The following LMF2 variants were observed in gnomAD, a reference collection of about 807,000 sequenced individuals.
The protein encoded by LMF2 is transmembrane protein 112B.
In LMF2, 113 loss-of-function variants were observed where a neutral mutation model predicts 81.5. The ratio of observed to expected loss-of-function variants is 1.39; its 90% CI spans 1.19 to 1.62. The LOEUF is 1.62. Among genes scored for constraint, LMF2 ranks in the 40% most tolerant of loss-of-function variants. The pLI, the probability that LMF2 is intolerant of heterozygous loss-of-function variation, is 0.00. For missense variants in LMF2, 1,235 were observed against 929.1 expected (o/e 1.33, Z -4.28); for synonymous variants, 645 against 424.5 (o/e 1.52, Z -6.39).
At position 50,505,284 on chromosome 22, in the gene LMF2, T is replaced by C; in HGVS notation, c.1102A>G (p.Thr368Ala). The C allele has an allele frequency of 1.2e-6, 2 of 1,613,090 alleles. No individual in the cohort carries two copies. The highest frequency in any genetic ancestry group is 1.7e-6 in the Non-Finnish European group (2 of 1,179,978). Residue 368 changes from threonine (T) to alanine (A), a missense_variant, in exon 8 of 14, where the codon ACT becomes GCT. Coordinates refer to ENST00000474879, the MANE Select transcript of LMF2 (RefSeq NM_033200.3). ...AGGGAGGCCACACCCAGCCACACAG[T>C]GGGCAGCGTCAGTGTCTTCAGCCAC... ...SQWLKTLTLP[T>A]VWLGVASLVW...
chr22:50,504,889 G>T lies in LMF2; in HGVS notation c.1350C>A (p.Asn450Lys). The T allele has an allele frequency of 1.2e-6, 2 of 1,610,508 alleles. No homozygotes were observed. The highest frequency in any genetic ancestry group is 2.2e-5 in the South Asian group (2 of 90,894). Residue 450 changes from asparagine (N) to lysine (K), a missense_variant, in exon 10 of 14, where the codon AAC becomes AAA. By Grantham distance (94) the Asn-to-Lys change is moderately conservative (BLOSUM62 0). Transcript: ENST00000474879. ...TCATGCGGCGGAAGAGGCCGTAGGAGTTGGCCAGCTGTAGGTGCTCCACGG... is the reference window on the plus strand; with the variant it reads ...TCATGCGGCGGAAGAGGCCGTAGGATTTGGCCAGCTGTAGGTGCTCCACGG... The part of the protein sequence containing the change: ...FGAVEHLQLA[N>K]SYGLFRRMTG...
At chr22:50,506,745 T>A (rs914761008) in intron 2 of LMF2, 37 bp downstream of exon 2, 1 of 1,610,952 alleles carries the variant, frequency 6.2e-7, no homozygotes, top group South Asian at 1.1e-5. Context: ...GTGGTGGGGG[T>A]TGGAGATAGA....
In LMF2 at chr22:50,505,461, A is replaced by G. The variant is rs1300655777; in HGVS notation, c.993T>C (p.Thr331=). The G allele has an allele frequency of 3.7e-6, 6 of 1,613,066 alleles. No individual in the cohort carries two copies. Among genetic ancestry groups the G allele is most frequent in the Non-Finnish European group, 5.1e-6 (6 of 1,180,028 alleles). ...CAACCTCCAGGCCAAAGTAGTGCAC[A>G]GTGCCATAGGCCAGAAGCCCGTAGA... ...LAVYGLLAYG[T]VHYFGLEVDW... The change falls in exon 7 of 14, where the codon ACT becomes ACC. Residue 331 remains threonine, a synonymous_variant. Coordinates refer to ENST00000474879, the MANE Select transcript of LMF2 (RefSeq NM_033200.3).
Position 50,505,047 on chromosome 22 carries a change from C to T in LMF2, c.1254+10G>A, listed in dbSNP as rs768908760. The T allele has an allele frequency of 4.3e-6, 7 of 1,612,844 alleles. No homozygotes were observed. The highest frequency in any genetic ancestry group is 1.7e-5 in the Admixed American group (1 of 60,028). ...CCCAGCCCATCCCCCAGCCCTGCAG[C>T]GCTACCCACCAGGCTAATCAGGAAC... On this transcript the variant is annotated intron_variant, in intron 9 of 13. Transcript: ENST00000474879.
rs767237903 is a variant in LMF2 at position 50,504,734 on chromosome 22, G to A, written c.1438-7C>T. The A allele has an allele frequency of 6.2e-6, 10 of 1,609,048 alleles. No homozygotes were observed. Among genetic ancestry groups the A allele is most frequent in the African/African-American group, 1.3e-5 (1 of 74,784 alleles). On this transcript the variant is annotated splice_polypyrimidine_tract_variant and splice_region_variant and intron_variant, in intron 10 of 13. Transcript: ENST00000474879. ...TGTACATGAACTCGATCTCCTGCCA[G>A]GCAGGCCGAGGTCAGCTGGGCCCGC...
rs1556456583 is a variant in LMF2 at position 50,503,746 on chromosome 22, T to C, written c.1816-47A>G. The C allele has an allele frequency of 2.5e-6, 4 of 1,591,236 alleles. No homozygotes were observed. The South Asian group carries it at 4.4e-5, about 18-fold the overall frequency. ...GGAGGTTGGGGAAGTGCTTACTGGG[T>C]TTACCCCGGGAGGCTGGGGTCACCC... On this transcript the variant is annotated intron_variant, in intron 13 of 13. Transcript: ENST00000474879.
chr22:50,503,625 C>G lies in LMF2; in HGVS notation c.1890G>C (p.Leu630=), dbSNP rs768577115. ...AQALHWTRSQ[L]SPLEAPALLW... is the part of the protein sequence containing the mutation. ...GCAGGGCGGGGGCCTCCAGGGGAGA[C>G]AGCTGAGAGCGAGTCCAGTGGAGGG... is the stretch of plus-strand genomic sequence containing the variant. The change falls in exon 14 of 14, where the codon CTG becomes CTC. Residue 630 remains leucine, a synonymous_variant. Transcript: ENST00000474879. 1 of 1,580,982 alleles carries G rather than the reference C, an allele frequency of 6.3e-7. No individual in the cohort carries two copies. Among genetic ancestry groups the G allele is most frequent in the Non-Finnish European group, 8.6e-7 (1 of 1,165,718 alleles).
chr22:50,506,597 CT>C (rs1569518808), intron 3 of LMF2, 40 bp downstream of exon 3: 1 of 1,604,138 alleles, frequency 6.2e-7, no homozygotes, highest in East Asian at 2.2e-5. Flanking sequence ...CCCCCACCCC[CT>C]ACCCAGCCTC....
At chr22:50,507,415 C>G (rs1407208900) in intron 1 of LMF2, among the ~76,000 whole-genome samples, 167 bp downstream of exon 1, 2 of 152,200 alleles carry the variant, frequency 1.3e-5, no homozygotes, top group Non-Finnish European at 2.9e-5. Flanking sequence ...CACCGCACAC[C>G]TTCCTACCCC....
intron 12 of LMF2, 133 bp from the exon 13 acceptor site, chr22:50,504,037 C>A (rs1327666443): frequency 1.7e-5 from 14 of 833,518 alleles, no homozygotes; most frequent in Non-Finnish European, 2.5e-5. Context: ...CTTACCCCTG[C>A]ACCCCGGGCT....
chr22:50,505,569 G>C, intron 6 of LMF2, 32 bp from the exon 7 acceptor site: 1 of 1,612,110 alleles, frequency 6.2e-7, no homozygotes. Flanking sequence ...GGTCAGCAGA[G>C]GGTCCCCAGC....
Position 50,505,147 on chromosome 22 carries a change from G to T in LMF2, c.1164C>A (p.Thr388=), listed in dbSNP as rs1278034427. Residue 388 remains threonine (T), a synonymous_variant, in exon 9 of 14, where the codon ACC becomes ACA. Transcript: ENST00000474879. ...GCTTCCGTAGCCAGCCCCGCACCTG[G>T]GTCCACCTGTGGGCAAGGACCCAAG... The part of the protein sequence containing the change: ...WELLSALWRW[T]QVRGWLRKLS... The T allele has an allele frequency of 1.2e-6, 2 of 1,612,922 alleles. No individual in the cohort carries two copies. The highest frequency in any genetic ancestry group is 3.3e-5 in the Admixed American group (2 of 60,020).
chr22:50,504,314 A>G, intron 12 of LMF2, 26 bp downstream of exon 12: 1 of 1,518,866 alleles, frequency 6.6e-7, no homozygotes, highest in Non-Finnish European at 8.9e-7. Context: ...CCCGGGCTCC[A>G]CACCCCACCC....
At chr22:50,507,132 C>A in intron 1 of LMF2, 97 bp from the exon 2 acceptor site, 1 of 1,474,410 alleles carries the variant, frequency 6.8e-7, no homozygotes, top group Non-Finnish European at 8.9e-7. Flanking sequence ...TAGGTCAGAG[C>A]ATGCGGATAC....
rs1244286736 is a variant in LMF2, at chr22:50,505,339, TGGA to T, written c.1052-8_1052-6del. ...AAAACTGGTGGAAGGTGAAAGCTGG[TGGA>T]GGAGGGGGGTGTGAGGACTGGTCCG... On this transcript the variant is annotated splice_region_variant and splice_polypyrimidine_tract_variant and intron_variant, in intron 7 of 13. Transcript: ENST00000474879. 6.2e-7 allele frequency: 1 copy of T among 1,613,084 alleles called. No homozygotes were observed. Among genetic ancestry groups the T allele is most frequent in the Non-Finnish European group, 8.5e-7 (1 of 1,179,956 alleles).
In LMF2 at chr22:50,504,887, G is replaced by C. The variant is rs1247733978; in HGVS notation, c.1352C>G (p.Ser451Cys). Reference sequence around the variant, plus strand: ...AGTCATGCGGCGGAAGAGGCCGTAGGAGTTGGCCAGCTGTAGGTGCTCCAC... The same window carrying C: ...AGTCATGCGGCGGAAGAGGCCGTAGCAGTTGGCCAGCTGTAGGTGCTCCAC... ...GAVEHLQLAN[S>C]YGLFRRMTGL... The change falls in exon 10 of 14, where the codon TCC becomes TGC. Residue 451 changes from serine (S) to cysteine (C), a missense_variant. Ser to Cys is a moderately radical substitution (Grantham distance 112). Coordinates refer to ENST00000474879, the MANE Select transcript of LMF2 (RefSeq NM_033200.3). 1 of 1,610,524 alleles carries C rather than the reference G, an allele frequency of 6.2e-7. No individual in the cohort carries two copies. The highest frequency in any genetic ancestry group is 8.5e-7 in the Non-Finnish European group (1 of 1,178,856).
chr22:50,503,275 C>A lies in LMF2; in HGVS notation c.*116G>T. ...GCAAACCCCAGGGGCAGCCCCCCAA[C>A]CTGTGCCTGGCCCTGCAGGGTCAGC... On this transcript the variant is annotated 3_prime_UTR_variant, in exon 14 of 14. Transcript: ENST00000474879. 1 of 1,146,602 alleles carries A rather than the reference C, an allele frequency of 8.7e-7. No homozygotes were observed. Among genetic ancestry groups the A allele is most frequent in the Non-Finnish European group, 1.2e-6 (1 of 815,512 alleles). 71.0% of individuals were successfully genotyped at this position (1,146,602 alleles called of 1,614,324 possible). A position where few individuals can be genotyped will look rare whatever the true frequency, so the allele number is the denominator to read the frequency against.
rs749759866 is a variant in LMF2 at position 50,504,681 on chromosome 22, G to A, written c.1484C>T (p.Pro495Leu). ...GCGTGGCTGGTGGGGCACCACAACC[G>A]GGGGCGGCCGGCTCAGGTTCCCAGG... is the stretch of plus-strand genomic sequence containing the variant. ...YKPGNLSRPP[P>L]VVVPHQPRLD... The change falls in exon 11 of 14, where the codon CCG becomes CTG. Residue 495 changes from proline (P) to leucine (L), a missense_variant. Physicochemically the swap from Pro to Leu is moderately conservative, Grantham distance 98 (BLOSUM62 -3). Coordinates refer to ENST00000474879, the MANE Select transcript of LMF2 (RefSeq NM_033200.3). 26 of 1,608,760 alleles carry A rather than the reference G, an allele frequency of 1.6e-5. No individual in the cohort carries two copies. The highest frequency in any genetic ancestry group is 6.7e-5 in the Admixed American group (4 of 59,332).
rs1003622142 is a variant in LMF2, at chr22:50,506,114, G to A, written c.695C>T (p.Thr232Ile). Residue 232 changes from threonine (T) to isoleucine (I), a missense_variant, in exon 5 of 14, where the codon ACC becomes ATC. Thr to Ile is a moderately conservative substitution (Grantham distance 89, BLOSUM62 -1). Transcript: ENST00000474879. ...VWLHKLSVVATFLIEIAVPPL... is the reference protein window; with the variant it reads ...VWLHKLSVVAIFLIEIAVPPL... The stretch of plus-strand genomic sequence containing the variant: ...CGGCACAGCGATCTCAATTAGGAAG[G>A]TGGCCACCACGCTGAGCTTGTGCAG... 3 of 1,586,288 alleles carry A rather than the reference G, an allele frequency of 1.9e-6. No individual in the cohort carries two copies. Among genetic ancestry groups the A allele is most frequent in the Admixed American group, 1.8e-5 (1 of 55,338 alleles).
Sources: gnomAD v4.1 joint callset for allele counts (sites outside exome capture counted in the v4.1 genomes callset) on GRCh38, gnomAD v4.1.1 for gene constraint, MANE v1.5 for transcripts, NCBI Gene and HGNC (gene_info 2026-07-23, HGNC 2026-07-21) for gene names.